The following CRPPA variants were observed in gnomAD, a reference collection of about 807,000 sequenced individuals.
CRPPA encodes CDP-L-ribitol pyrophosphorylase A, also known as D-ribitol-5-phosphate cytidylyltransferase.
Under a neutral mutation model 52.0 loss-of-function variants are expected in CRPPA, and 43 were observed. The ratio of observed to expected loss-of-function variants is 0.83; its 90% confidence interval spans 0.65 to 1.07. CRPPA has a LOEUF of 1.07. Among genes scored for constraint, CRPPA ranks in the 50% least tolerant of loss-of-function variants. The pLI, the probability that CRPPA is intolerant of heterozygous loss-of-function variation, is 0.00. For missense variants in CRPPA, 629 were observed against 551.7 expected (o/e 1.14, Z -1.40); for synonymous variants, 250 against 203.5 (o/e 1.23, Z -1.94).
chr7:16,387,088 C>CACATATATATATATATATAT (rs1787307391), intron 2 of CRPPA, among the ~76,000 whole-genome samples: 2 of 34,792 alleles, frequency 5.7e-5, no homozygotes, highest in African/African-American at 2.3e-4. Context: ...TATATATATA[C>CACATATATATATATATATAT]ACACATATAT....
At chr7:16,147,096 C>G (rs1358493674) in intron 9 of CRPPA, among the ~76,000 whole-genome samples, 1 of 152,206 alleles carries the variant, frequency 6.6e-6, no homozygotes, top group Non-Finnish European at 1.5e-5. Context: ...TGCACAAGCT[C>G]TCTTGCCTGC....
At chr7:16,108,977 AG>A (rs1357096460) in intron 9 of CRPPA, among the ~76,000 whole-genome samples, 2 of 151,914 alleles carry the variant, frequency 1.3e-5, no homozygotes, top group African/African-American at 4.8e-5. Flanking sequence ...CATCAAAAAA[AG>A]AAAAAAACAT....
intron 9 of CRPPA, among the ~76,000 whole-genome samples, chr7:16,192,444 CA>C (rs1316684700): frequency 6.6e-6 from 1 of 152,030 alleles, no homozygotes; most frequent in Non-Finnish European, 1.5e-5. Flanking sequence ...GTATTATTGA[CA>C]CTACAAATTG....
chr7:16,089,400 A>ATATAGTATATATGTATGTACATAT lies in CRPPA; in HGVS notation c.*2294_*2295insATATGTACATACATATATACTATA, dbSNP rs541517597. ...TATATACGTATATATGTATGTACAT[A>ATATAGTATATATGTATGTACATAT]ATGTGTATATATGTACGTACATACA... On this transcript the variant is annotated 3_prime_UTR_variant, in exon 10 of 10. Coordinates refer to ENST00000407010, the MANE Select transcript of CRPPA (RefSeq NM_001101426.4). The ATATAGTATATATGTATGTACATAT allele has an allele frequency of 1.0e-3, 368 of 362,438 alleles. 14 individuals carry two copies. Among genetic ancestry groups the ATATAGTATATATGTATGTACATAT allele is most frequent in the African/African-American group, 8.1e-3 (359 of 44,382 alleles). The allele number at this position is 362,438 out of a possible 1,614,324, so 22.5% of individuals were successfully genotyped here.
At position 16,091,724 on chromosome 7, in the gene CRPPA, C is replaced by T; in HGVS notation, c.1327G>A (p.Gly443Arg). The change falls in exon 10 of 10, where the codon GGA becomes AGA. Residue 443 changes from glycine (G) to arginine (R), a missense_variant. Gly to Arg is a moderately radical substitution (Grantham distance 125, BLOSUM62 -2). Coordinates refer to ENST00000407010, the MANE Select transcript of CRPPA (RefSeq NM_001101426.4). ...IASLIKERNS[G>R]LIGQLLIA ...GCTATCAGAAGCTGACCAATGAGTC[C>T]AGAATTTCTTTCCTTGATTAATGAA... The T allele has an allele frequency of 6.4e-7, 1 of 1,559,800 alleles. No homozygotes were observed. Among genetic ancestry groups the T allele is most frequent in the Non-Finnish European group, 8.7e-7 (1 of 1,150,394 alleles).
chr7:16,400,038 C>T (rs749956987), intron 2 of CRPPA, among the ~76,000 whole-genome samples: 12 of 152,178 alleles, frequency 7.9e-5, no homozygotes, highest in South Asian at 2.1e-4. Flanking sequence ...TAGTACGTGA[C>T]GAATACACAA....
At chr7:16,222,684 C>G (rs188256082) in intron 8 of CRPPA, among the ~76,000 whole-genome samples, 1 of 152,132 alleles carries the variant, frequency 6.6e-6, no homozygotes, top group Admixed American at 6.5e-5. Flanking sequence ...TCAATGTGAT[C>G]AATAATTGTC....
At chr7:16,259,203 A>G (rs1783728846) in intron 6 of CRPPA, among the ~76,000 whole-genome samples, 191 bp from the exon 7 acceptor site, 1 of 152,040 alleles carries the variant, frequency 6.6e-6, no homozygotes, top group Non-Finnish European at 1.5e-5. Flanking sequence ...TGAATAATGC[A>G]TATTTTAGCA....
chr7:16,196,399 T>A (rs1781735362), intron 9 of CRPPA, among the ~76,000 whole-genome samples: 2 of 152,208 alleles, frequency 1.3e-5, no homozygotes, highest in Non-Finnish European at 2.9e-5. Context: ...CTTCTTTCCA[T>A]ACTCTATGAA....
intron 5 of CRPPA, among the ~76,000 whole-genome samples, chr7:16,286,087 T>TTAAA (rs1313294075): frequency 6.4e-5 from 1 of 15,516 alleles, no homozygotes; most frequent in Non-Finnish European, 1.1e-4. Context: ...ATATAATATT[T>TTAAA]AAAAAAAAAA....
At chr7:16,336,935 T>C (rs1041368313) in intron 3 of CRPPA, among the ~76,000 whole-genome samples, 4 of 151,984 alleles carry the variant, frequency 2.6e-5, no homozygotes, top group African/African-American at 7.2e-5. Flanking sequence ...CAAGACCACA[T>C]AAAATTCATA....
chr7:16,277,742 C>A (rs979832672), intron 6 of CRPPA, among the ~76,000 whole-genome samples: 1 of 152,132 alleles, frequency 6.6e-6, no homozygotes, highest in Non-Finnish European at 1.5e-5. Flanking sequence ...CACCTTTTGT[C>A]ATCATGTCTC....
Position 16,397,227 on chromosome 7 carries a change from C to A in CRPPA, c.534+8834G>T, listed in dbSNP as rs561365439. On this transcript the variant is annotated intron_variant, in intron 2 of 9. Transcript: ENST00000407010. ...TGACACGACTGACACGTATGTGATA[C>A]GAACATAACATGTAACTGACATGTA... 3.3e-5 allele frequency among the ~76,000 whole-genome samples: 5 copies of A among 152,254 alleles called. No individual in the cohort carries two copies. In the East Asian group the frequency reaches 9.7e-4, roughly 29 times the overall value.
chr7:16,163,029 AGTG>A, intron 9 of CRPPA, among the ~76,000 whole-genome samples: 1 of 130,792 alleles, frequency 7.6e-6, no homozygotes, highest in East Asian at 2.2e-4. Flanking sequence ...GCTGGAGTGC[AGTG>A]GTGCGATCTC....
At chr7:16,263,870 A>C (rs999221307) in intron 6 of CRPPA, among the ~76,000 whole-genome samples, 2 of 152,206 alleles carry the variant, frequency 1.3e-5, no homozygotes, top group Admixed American at 1.3e-4. Flanking sequence ...TACATTTAAA[A>C]CTGCACTTAA....
At chr7:16,370,117 C>T (rs957452672) in intron 3 of CRPPA, among the ~76,000 whole-genome samples, 3 of 152,142 alleles carry the variant, frequency 2.0e-5, no homozygotes, top group African/African-American at 7.2e-5. Context: ...TCAGAGAAGC[C>T]CTCAGGGAAG....
chr7:16,181,480 G>A lies in CRPPA; in HGVS notation c.1251+34586C>T, dbSNP rs936013061. 5.1e-4 allele frequency among the ~76,000 whole-genome samples: 77 copies of A among 151,812 alleles called. 1 individual carries two copies. The highest frequency in any genetic ancestry group is 1.9e-3 in the Admixed American group (29 of 15,218). On this transcript the variant is annotated intron_variant, in intron 9 of 9. Transcript: ENST00000407010. ...ATTATTGAATTTTGTTACTCTTTAC[G>A]TGACTCATTTATCAAATCTCCAGCT... is the stretch of plus-strand genomic sequence containing the variant.
intron 8 of CRPPA, among the ~76,000 whole-genome samples, chr7:16,254,820 A>AGAAAGAAAGAAAGAAC (rs1783582859): frequency 1.3e-5 from 2 of 149,126 alleles, no homozygotes; most frequent in African/African-American, 4.9e-5. Context: ...AAAGAAAGAA[A>AGAAAGAAAGAAAGAAC]GAAAGAAAGA....
chr7:16,109,836 A>C (rs568873318), intron 9 of CRPPA, among the ~76,000 whole-genome samples: 1 of 152,158 alleles, frequency 6.6e-6, no homozygotes, highest in East Asian at 1.9e-4. Context: ...GGGAAACATT[A>C]TGCCACAGCT....
Sources: allele counts gnomAD v4.1 joint callset (sites outside exome capture counted in the v4.1 genomes callset), GRCh38; gene constraint gnomAD v4.1.1; transcripts MANE v1.5; gene names NCBI Gene and HGNC (gene_info 2026-07-23, HGNC 2026-07-21).